RASSF7: variants seen among roughly 807,000 people sequenced by gnomAD.
The protein encoded by RASSF7 is Ras association domain family member 7.
Under a neutral mutation model 33.8 loss-of-function variants are expected in RASSF7, and 41 were observed. The observed-to-expected ratio is 1.21, with a 90% CI of 0.95 to 1.57. The LOEUF is 1.57. Among genes scored for constraint, RASSF7 ranks in the 40% most tolerant of loss-of-function variants. The probability of loss-of-function intolerance (pLI) is 0.00; values close to 1 mark genes in which losing one functional copy is unlikely to be tolerated. For synonymous variants in RASSF7, 298 were observed against 212.8 expected, an observed-to-expected ratio of 1.40 and a Z score of -3.48; for missense variants, 622 against 497.0, an observed-to-expected ratio of 1.25 and a Z score of -2.39.
intron 3 of RASSF7, 110 bp from the exon 4 acceptor site, chr11:563,079 G>C: frequency 9.1e-7 from 1 of 1,095,584 alleles, no homozygotes; most frequent in Non-Finnish European, 1.3e-6. Flanking sequence ...AACCCCTGAC[G>C]TGGGCAGATA....
In RASSF7 at chr11:563,626, C is replaced by T. The variant is rs1184353155; in HGVS notation, c.1103C>T (p.Ala368Val). The T allele has an allele frequency of 3.7e-6, 6 of 1,610,584 alleles. No individual in the cohort carries two copies. The Admixed American group carries it at 1.0e-4, about 27-fold the overall frequency. ...APAPEWCPLA[A>V]QPQAL ...GCCCCAGAGTGGTGTCCTCTGGCAG[C>T]CCAGCCCCAGGCTCTGTGACAGCCT... The change falls in exon 6 of 6, where the codon GCC becomes GTC. Residue 368 changes from alanine to valine, a missense_variant. Physicochemically the swap from Ala to Val is moderately conservative, Grantham distance 64. Transcript: ENST00000397583.
chr11:561,685 A>G, intron 1 of RASSF7, 77 bp from the exon 2 acceptor site: 1 of 1,590,972 alleles, frequency 6.3e-7, no homozygotes, highest in Middle Eastern at 2.2e-4. Flanking sequence ...AGGGCAGGCC[A>G]AGAGGATGAG....
In RASSF7 at chr11:561,307, G is replaced by C. The variant is rs912040745; in HGVS notation, c.-178G>C. 2.5e-4 allele frequency: 246 copies of C among 988,236 alleles called. No individual in the cohort carries two copies. Among genetic ancestry groups the C allele is most frequent in the Non-Finnish European group, 2.7e-4 (226 of 831,778 alleles). 61.2% of individuals were successfully genotyped at this position (988,236 alleles called of 1,614,324 possible). On this transcript the variant is annotated 5_prime_UTR_variant, in exon 1 of 6. Transcript: ENST00000397583. ...GGGGCTCCCCGGGCTGGCGGGGGCT[G>C]CTCAGACCCGGAGTCTGCTCCATCT...
In RASSF7 at chr11:561,215, C is replaced by A. The variant is rs562826180; in HGVS notation, c.-270C>A. The A allele has an allele frequency of 1.4e-5, 14 of 985,092 alleles. No individual in the cohort carries two copies. The African/African-American group carries it at 2.4e-4, about 17-fold the overall frequency. The allele number at this position is 985,092 out of a possible 1,614,324, so 61.0% of individuals were successfully genotyped here. A position where few individuals can be genotyped will look rare whatever the true frequency, so the allele number is the denominator to read the frequency against. ...CTCCCGCCAGGCTGGGGTCGCGGCG[C>A]GGGCTTCGGTGCCCGCGGCGGGGAC... is the stretch of plus-strand genomic sequence containing the variant. On this transcript the variant is annotated 5_prime_UTR_variant, in exon 1 of 6. Coordinates refer to ENST00000397583, the MANE Select transcript of RASSF7 (RefSeq NM_003475.4).
intron 3 of RASSF7, 27 bp downstream of exon 3, chr11:562,803 CA>C: frequency 2.1e-6 from 3 of 1,435,204 alleles, no homozygotes; most frequent in Non-Finnish European, 1.8e-6. Context: ...GATCCCCTGT[CA>C]CTCCCCCACC....
In RASSF7 at chr11:561,039, C is replaced by T; in HGVS notation, c.-446C>T. 1.0e-6 allele frequency: 1 copy of T among 998,900 alleles called. No homozygotes were observed. Among genetic ancestry groups the T allele is most frequent in the Non-Finnish European group, 1.2e-6 (1 of 839,508 alleles). The allele number at this position is 998,900 out of a possible 1,614,324, so 61.9% of individuals were successfully genotyped here. On this transcript the variant is annotated 5_prime_UTR_variant, in exon 1 of 6. Transcript: ENST00000397583. ...CCAGGCTGGCGAGCGCCCAGGTGAG[C>T]CGCGCCGGGTCCCCGGTACTTGGGA...
chr11:561,669 G>T, intron 1 of RASSF7, 93 bp from the exon 2 acceptor site: 1 of 1,557,570 alleles, frequency 6.4e-7, no homozygotes, highest in Non-Finnish European at 8.7e-7. Flanking sequence ...CAGCCCAGCC[G>T]TTTCTAGGGC....
At position 563,469 on chromosome 11, in the gene RASSF7, G is replaced by A. The variant is rs758653775; in HGVS notation, c.1025G>A (p.Arg342Lys). 14 of 1,610,724 alleles carry A rather than the reference G, an allele frequency of 8.7e-6. No homozygotes were observed. The East Asian group carries it at 2.7e-4, about 31-fold the overall frequency. ...PSESHAGAQP[R>K]PRGGPHDAEL... The stretch of plus-strand genomic sequence containing the variant: ...GAGTCCCATGCTGGTGCCCAGCCTA[G>A]GCCCCGAGGGTATGTCTGTGCCCCA... Residue 342 changes from arginine (R) to lysine (K), a missense_variant, in exon 5 of 6, where the codon AGG (arginine) becomes AAG (lysine). Transcript: ENST00000397583.
chr11:563,230 T>G lies in RASSF7; in HGVS notation c.864T>G (p.Arg288=), dbSNP rs370578097. The G allele has an allele frequency of 8.1e-6, 13 of 1,603,332 alleles. No homozygotes were observed. In the Middle Eastern group the frequency reaches 6.6e-4, roughly 81 times the overall value. Residue 288 remains arginine (R), a synonymous_variant, in exon 4 of 6, where the codon CGT becomes CGG. Coordinates refer to ENST00000397583, the MANE Select transcript of RASSF7 (RefSeq NM_003475.4). The part of the protein sequence containing the change: ...QELEELNREL[R]QCNLQQFIQQ... ...TGGAGGAGCTGAACCGAGAGCTCCG[T>G]CAGTGCAACCTGCAGCAGTTCATCC...
chr11:562,655 T>A lies in RASSF7; in HGVS notation c.701T>A (p.Met234Lys). 6.5e-7 allele frequency: 1 copy of A among 1,543,824 alleles called. No homozygotes were observed. The highest frequency in any genetic ancestry group is 8.7e-7 in the Non-Finnish European group (1 of 1,146,834). The change falls in exon 3 of 6, where the codon ATG becomes AAG. Residue 234 changes from methionine to lysine, a missense_variant. By Grantham distance (95) the Met-to-Lys change is moderately conservative. Coordinates refer to ENST00000397583, the MANE Select transcript of RASSF7 (RefSeq NM_003475.4). ...AAEAPGPPSP[M>K]ASATERLHQD... The stretch of plus-strand genomic sequence containing the variant: ...GAGGCCCCTGGGCCCCCCTCACCTA[T>A]GGCATCTGCCACTGAGCGCCTGCAC...
rs1349250905 is a variant in RASSF7, at chr11:562,506, C to T, written c.552C>T (p.Ala184=). Residue 184 remains alanine, a synonymous_variant, in exon 3 of 6, where the codon GCC becomes GCT. Transcript: ENST00000397583. ...FWEQELRREQ[A]REREGQARLQ... ...AGCAAGAGCTGCGCCGGGAGCAGGC[C>T]CGGGAGCGAGAGGGACAGGCACGCC... is the stretch of plus-strand genomic sequence containing the variant. 2 of 1,549,686 alleles carry T rather than the reference C, an allele frequency of 1.3e-6. No individual in the cohort carries two copies. The highest frequency in any genetic ancestry group is 1.7e-6 in the Non-Finnish European group (2 of 1,146,904).
chr11:561,820 C>T lies in RASSF7; in HGVS notation c.52C>T (p.Gln18Ter), dbSNP rs923769322. 7.4e-6 allele frequency: 12 copies of T among 1,613,280 alleles called. No homozygotes were observed. Among genetic ancestry groups the T allele is most frequent in the African/African-American group, 4.0e-5 (3 of 74,918 alleles). Residue 18 changes from glutamine (Q) to a stop codon, truncating the protein, a stop_gained, in exon 2 of 6, where the codon CAG becomes TAG. Transcript: ENST00000397583. LOFTEE classifies it high-confidence loss of function. ...GCTGAAGGTGTGGGTGGATGGCATC[C>T]AGCGTGTGGTCTGTGGGGTCTCAGA... ...MELKVWVDGI[Q>*]RVVCGVSEQT...
At position 563,665 on chromosome 11, in the gene RASSF7, A is replaced by G; in HGVS notation, c.*20A>G. ...CTGTGACAGCCTAGTGAGGGCTGCA[A>G]GACCATCCTGCCCGGACCACAGAAG... On this transcript the variant is annotated 3_prime_UTR_variant, in exon 6 of 6. Coordinates refer to ENST00000397583, the MANE Select transcript of RASSF7 (RefSeq NM_003475.4). 1 of 1,592,326 alleles carries G rather than the reference A, an allele frequency of 6.3e-7. No homozygotes were observed. Among genetic ancestry groups the G allele is most frequent in the Admixed American group, 1.7e-5 (1 of 58,926 alleles).
chr11:563,292 C>CT lies in RASSF7; in HGVS notation c.927dup (p.Asp310Ter), dbSNP rs1490507995. 2.5e-6 allele frequency: 4 copies of CT among 1,610,504 alleles called. No individual in the cohort carries two copies. In the South Asian group the frequency reaches 4.4e-5, roughly 18 times the overall value. On this transcript the variant is annotated frameshift_variant, in exon 4 of 6. Transcript: ENST00000397583. LOFTEE classifies it high-confidence loss of function. ...GCTGCGCTGCCACCGCCCCCACGGC[C>CT]TGACAGGGGCCCTCCTGGCACTCAG...
chr11:561,747 G>C lies in RASSF7; in HGVS notation c.-7-15G>C. 6.2e-7 allele frequency: 1 copy of C among 1,613,046 alleles called. No homozygotes were observed. The highest frequency in any genetic ancestry group is 1.1e-5 in the South Asian group (1 of 91,074). The stretch of plus-strand genomic sequence containing the variant: ...GTAGGCAGGTCCTGACCCGGTGCCT[G>C]CGCCCTCCCCACAGGACAGGCATGT... On this transcript the variant is annotated splice_polypyrimidine_tract_variant and intron_variant, in intron 1 of 5. Coordinates refer to ENST00000397583, the MANE Select transcript of RASSF7 (RefSeq NM_003475.4).
chr11:561,805 T>A lies in RASSF7; in HGVS notation c.37T>A (p.Trp13Arg). The A allele has an allele frequency of 6.2e-7, 1 of 1,613,176 alleles. No individual in the cohort carries two copies. The highest frequency in any genetic ancestry group is 8.5e-7 in the Non-Finnish European group (1 of 1,179,958). ...LGLAAMELKV[W>R]VDGIQRVVCG... ...ACTGGCGGCCATGGAGCTGAAGGTGTGGGTGGATGGCATCCAGCGTGTGGT... is the reference window on the plus strand; with the variant it reads ...ACTGGCGGCCATGGAGCTGAAGGTGAGGGTGGATGGCATCCAGCGTGTGGT... Residue 13 changes from tryptophan (W) to arginine (R), a missense_variant, in exon 2 of 6, where the codon TGG becomes AGG. Coordinates refer to ENST00000397583, the MANE Select transcript of RASSF7 (RefSeq NM_003475.4).
At chr11:562,944 G>A (rs1243062810) in intron 3 of RASSF7, among the ~76,000 whole-genome samples, 168 bp downstream of exon 3, 2 of 145,684 alleles carry the variant, frequency 1.4e-5, no homozygotes, top group Non-Finnish European at 3.0e-5. Context: ...TGACTCGGGA[G>A]GCAGGTGAGC....
chr11:561,805 T>G lies in RASSF7; in HGVS notation c.37T>G (p.Trp13Gly), dbSNP rs745566710. 3.1e-6 allele frequency: 5 copies of G among 1,613,176 alleles called. No homozygotes were observed. The highest frequency in any genetic ancestry group is 4.2e-6 in the Non-Finnish European group (5 of 1,179,958). Reference sequence around the variant, plus strand: ...ACTGGCGGCCATGGAGCTGAAGGTGTGGGTGGATGGCATCCAGCGTGTGGT... The same window carrying G: ...ACTGGCGGCCATGGAGCTGAAGGTGGGGGTGGATGGCATCCAGCGTGTGGT... ...LGLAAMELKV[W>G]VDGIQRVVCG... Residue 13 changes from tryptophan to glycine, a missense_variant, in exon 2 of 6, where the codon TGG becomes GGG. Coordinates refer to ENST00000397583, the MANE Select transcript of RASSF7 (RefSeq NM_003475.4).
Position 562,496 on chromosome 11 carries a change from G to C in RASSF7, c.542G>C (p.Arg181Pro). ...HEAFWEQELR[R>P]EQAREREGQA... Reference sequence around the variant, plus strand: ...GCCTTCTGGGAGCAAGAGCTGCGCCGGGAGCAGGCCCGGGAGCGAGAGGGA... The same window carrying C: ...GCCTTCTGGGAGCAAGAGCTGCGCCCGGAGCAGGCCCGGGAGCGAGAGGGA... The change falls in exon 3 of 6, where the codon CGG becomes CCG. Residue 181 changes from arginine to proline, a missense_variant. Arg to Pro is a moderately radical substitution (Grantham distance 103, BLOSUM62 -2). Coordinates refer to ENST00000397583, the MANE Select transcript of RASSF7 (RefSeq NM_003475.4). 14 of 1,550,018 alleles carry C rather than the reference G, an allele frequency of 9.0e-6. No individual in the cohort carries two copies. The highest frequency in any genetic ancestry group is 1.2e-5 in the Non-Finnish European group (14 of 1,146,902).
Sources: allele counts gnomAD v4.1 joint callset (sites outside exome capture counted in the v4.1 genomes callset), GRCh38; gene constraint gnomAD v4.1.1; transcripts MANE v1.5; gene names NCBI Gene and HGNC (gene_info 2026-07-23, HGNC 2026-07-21).